Variants in SPECC1 observed in about 807,000 individuals in gnomAD.
SPECC1 encodes sperm antigen with calponin homology and coiled-coil domains 1, also known as cytospin-B.
SPECC1 carries 62 observed loss-of-function variants against 104.1 expected under a neutral mutation model. That is an observed-to-expected ratio of 0.60 (90% CI 0.49 to 0.74). The LOEUF (loss-of-function observed/expected upper bound fraction) is 0.74, where lower values mean the gene tolerates loss of function less well. Ranked by LOEUF, SPECC1 falls within the 30% of genes least tolerant of loss-of-function variation. The pLI is 0.00. For missense variants in SPECC1, 1,306 were observed against 1,310.5 expected, an observed-to-expected ratio of 1.00 and a Z score of 0.05; for synonymous variants, 513 against 501.6, an observed-to-expected ratio of 1.02 and a Z score of -0.30.
At position 20,306,066 on chromosome 17, in the gene SPECC1, G is replaced by A. The variant is rs2041752793; in HGVS notation, c.3101G>A (p.Gly1034Asp). The change falls in exon 14 of 15, where the codon GGC (glycine) becomes GAC (aspartate). Residue 1034 changes from glycine (G) to aspartate (D), a missense_variant. Physicochemically the swap from Gly to Asp is moderately conservative, Grantham distance 94. Around this residue, in one of 2 missense-constraint regions of SPECC1, gnomAD observed 129 missense variants for 170.6 expected, o/e 0.76. Coordinates refer to ENST00000395527, the MANE Select transcript of SPECC1 (RefSeq NM_001243439.2). ...GCATTTGAAGCGGCTGAAAGTGTAG[G>A]CATCAAACCCAGCCTGGTACGTATC... is the stretch of plus-strand genomic sequence containing the variant. ...LLAFEAAESV[G>D]IKPSLELSEM... is the part of the protein sequence containing the mutation. 6.2e-7 allele frequency: 1 copy of A among 1,613,856 alleles called. No homozygotes were observed. The highest frequency in any genetic ancestry group is 8.5e-7 in the Non-Finnish European group (1 of 1,179,932).
chr17:20,061,449 G>T (rs2046181760), intron 1 of SPECC1, among the ~76,000 whole-genome samples: 1 of 152,194 alleles, frequency 6.6e-6, no homozygotes, highest in Admixed American at 6.5e-5. Flanking sequence ...TCCTCCATCT[G>T]CAGGTTGTAT....
chr17:20,299,663 T>G (rs761732216), intron 13 of SPECC1, among the ~76,000 whole-genome samples: 33 of 151,814 alleles, frequency 2.2e-4, no homozygotes, highest in African/African-American at 7.2e-4. Context: ...AGTTAACACA[T>G]GCAATTAACC....
chr17:20,195,340 G>T (rs1454507394), intron 3 of SPECC1, among the ~76,000 whole-genome samples: 5 of 150,496 alleles, frequency 3.3e-5, no homozygotes, highest in Non-Finnish European at 7.4e-5. Flanking sequence ...GTGATACACA[G>T]AATTTTACAT....
At chr17:20,114,203 GT>G (rs1015189123) in intron 3 of SPECC1, among the ~76,000 whole-genome samples, 4 of 151,916 alleles carry the variant, frequency 2.6e-5, no homozygotes, top group Non-Finnish European at 4.4e-5. Flanking sequence ...TTTTGTTTTT[GT>G]TTTTTTGAGA....
rs757191309 is a variant in SPECC1, at chr17:20,164,169, A to ATTT, written c.284-40147_284-40145dup. 2.9e-3 allele frequency among the ~76,000 whole-genome samples: 394 copies of ATTT among 135,312 alleles called. 12 individuals carry two copies. The East Asian group carries it at 0.08, about 28-fold the overall frequency. 88.8% of individuals were successfully genotyped at this position (135,312 alleles called of 152,430 possible). On this transcript the variant is annotated intron_variant, in intron 3 of 14. Transcript: ENST00000395527. The stretch of plus-strand genomic sequence containing the variant: ...TAATATTGGGATTTCTTCCCATGTA[A>ATTT]TTTTTTTTTTTTTTTTTTTAAAGAG...
At chr17:20,303,952 C>CA (rs750506840) in intron 13 of SPECC1, among the ~76,000 whole-genome samples, 33 of 146,500 alleles carry the variant, frequency 2.3e-4, no homozygotes, top group African/African-American at 6.5e-4. Flanking sequence ...GACTCCATCT[C>CA]AAAAAAAAAA....
chr17:20,112,871 G>A, intron 3 of SPECC1: 1 of 1,588,166 alleles, frequency 6.3e-7, no homozygotes, highest in Non-Finnish European at 8.6e-7. Flanking sequence ...AACTGATTTA[G>A]AGAATTGTGA....
At chr17:20,311,094 T>C (rs1386003314) in intron 14 of SPECC1, among the ~76,000 whole-genome samples, 1 of 119,362 alleles carries the variant, frequency 8.4e-6, no homozygotes, top group Non-Finnish European at 1.6e-5. Flanking sequence ...ATTTAGACCT[T>C]AGTGGGGTTT....
chr17:20,077,031 T>C (rs1280519118), intron 1 of SPECC1, among the ~76,000 whole-genome samples: 3 of 152,214 alleles, frequency 2.0e-5, no homozygotes, highest in African/African-American at 7.2e-5. Context: ...TGGGGCCAAT[T>C]TATATGGGTA....
At chr17:20,017,214 T>C (rs942184547) in intron 1 of SPECC1, 9 of 152,352 alleles carry the variant, frequency 5.9e-5, no homozygotes, top group Middle Eastern at 3.4e-3. Flanking sequence ...TGCGTTCTTA[T>C]TACTGCTCAC....
chr17:20,260,170 A>G, intron 11 of SPECC1, 22 bp from the exon 12 acceptor site: 1 of 1,591,260 alleles, frequency 6.3e-7, no homozygotes, highest in Non-Finnish European at 8.6e-7. Context: ...TCTCCTTACC[A>G]TGTGCTCTTC....
At chr17:20,090,383 C>A (rs2047351805) in intron 1 of SPECC1, among the ~76,000 whole-genome samples, 1 of 152,120 alleles carries the variant, frequency 6.6e-6, no homozygotes, top group South Asian at 2.1e-4. Context: ...CCTGCCCACA[C>A]CTTTGTAAAC....
intron 3 of SPECC1, among the ~76,000 whole-genome samples, chr17:20,149,682 A>G (rs570010635): frequency 2.0e-5 from 3 of 152,248 alleles, no homozygotes; most frequent in African/African-American, 7.2e-5. Flanking sequence ...TCTGAGTGCA[A>G]CTGTGTGCTG....
chr17:20,256,561 A>G (rs2039837402), intron 10 of SPECC1, among the ~76,000 whole-genome samples: 1 of 152,076 alleles, frequency 6.6e-6, no homozygotes, highest in Non-Finnish European at 1.5e-5. Context: ...GTGACTATTC[A>G]CAGGTCATGG....
intron 3 of SPECC1, among the ~76,000 whole-genome samples, chr17:20,121,562 C>T (rs929054520): frequency 6.6e-6 from 1 of 152,246 alleles, no homozygotes; most frequent in African/African-American, 2.4e-5. Flanking sequence ...GTCTTGAACT[C>T]CTGGGCTCCT....
chr17:20,097,722 C>A (rs940200738), intron 2 of SPECC1, among the ~76,000 whole-genome samples: 1 of 152,160 alleles, frequency 6.6e-6, no homozygotes, highest in Non-Finnish European at 1.5e-5. Flanking sequence ...ACTCTTAGAG[C>A]TAGGCAAGGG....
At chr17:20,235,646 T>A (rs559910973) in intron 7 of SPECC1, among the ~76,000 whole-genome samples, 1 of 152,348 alleles carries the variant, frequency 6.6e-6, no homozygotes, top group South Asian at 2.1e-4. Context: ...GTGGCATTTG[T>A]TCCTCTTGTT....
intron 3 of SPECC1, among the ~76,000 whole-genome samples, chr17:20,190,391 A>ATTG (rs2035582604): frequency 8.8e-6 from 1 of 113,336 alleles, no homozygotes; most frequent in Admixed American, 9.0e-5. Flanking sequence ...GAAAAGCAAG[A>ATTG]CTGCTGCTGC....
intron 9 of SPECC1, among the ~76,000 whole-genome samples, chr17:20,250,133 C>CA (rs767018092): frequency 2.6e-5 from 4 of 152,318 alleles, no homozygotes; most frequent in Admixed American, 1.3e-4. Context: ...GCCCTGAAGA[C>CA]AATGCAGTGG....
Sources: allele counts gnomAD v4.1 joint callset (sites outside exome capture counted in the v4.1 genomes callset), GRCh38; gene constraint gnomAD v4.1.1; regional missense constraint gnomAD v4.1.1; transcripts MANE v1.5; gene names NCBI Gene and HGNC (gene_info 2026-07-23, HGNC 2026-07-21).